The following NDUFAF2 variants were observed in gnomAD, a reference collection of about 807,000 sequenced individuals.
NDUFAF2 encodes the protein NADH:ubiquinone oxidoreductase complex assembly factor 2, also known as NADH dehydrogenase [ubiquinone] 1 alpha subcomplex assembly factor 2.
A neutral mutation model predicts 22.8 loss-of-function variants in NDUFAF2; 13 were observed. The ratio of observed to expected loss-of-function variants is 0.57; its 90% CI spans 0.37 to 0.91. The LOEUF is 0.91. Among genes scored for constraint, NDUFAF2 ranks in the 40% least tolerant of loss-of-function variants. The pLI is 0.01. For synonymous variants in NDUFAF2, 53 were observed against 64.2 expected (o/e 0.83, Z 0.84); for missense variants, 162 against 195.2 (o/e 0.83, Z 1.01).
chr5:61,093,586 C>G (rs1305285347), intron 2 of NDUFAF2, among the ~76,000 whole-genome samples: 2 of 152,160 alleles, frequency 1.3e-5, no homozygotes, highest in African/African-American at 2.4e-5. Context: ...ATTGAACCAG[C>G]CTTGCGTCCC....
intron 3 of NDUFAF2, among the ~76,000 whole-genome samples, chr5:61,118,440 G>A (rs1752938883): frequency 1.3e-5 from 2 of 152,290 alleles, no homozygotes; most frequent in Non-Finnish European, 1.5e-5. Context: ...AAATTCACAA[G>A]TGAGAAAGTT....
intron 1 of NDUFAF2, among the ~76,000 whole-genome samples, chr5:61,010,905 TC>T (rs1393173546): frequency 6.6e-6 from 1 of 152,076 alleles, no homozygotes; most frequent in Non-Finnish European, 1.5e-5. Flanking sequence ...CCTTCCCTTT[TC>T]TCCTGCTGGC....
At chr5:61,112,445 C>T (rs1361407206) in intron 3 of NDUFAF2, among the ~76,000 whole-genome samples, 1 of 151,890 alleles carries the variant, frequency 6.6e-6, no homozygotes, top group African/African-American at 2.4e-5. Flanking sequence ...ATCTTCTGAC[C>T]TCGTGATCCG....
At chr5:61,060,206 G>T (rs1752147063) in intron 1 of NDUFAF2, among the ~76,000 whole-genome samples, 1 of 152,018 alleles carries the variant, frequency 6.6e-6, no homozygotes, top group Non-Finnish European at 1.5e-5. Context: ...TTAATAAACA[G>T]ATGCTGCAAC....
intron 1 of NDUFAF2, among the ~76,000 whole-genome samples, chr5:61,059,231 A>C (rs940804756): frequency 3.3e-5 from 5 of 152,076 alleles, no homozygotes; most frequent in African/African-American, 9.6e-5. Flanking sequence ...TTGTTGGTTG[A>C]ATTACAGATG....
chr5:61,078,140 A>G (rs1277480441), intron 2 of NDUFAF2, among the ~76,000 whole-genome samples: 1 of 152,122 alleles, frequency 6.6e-6, no homozygotes, highest in Non-Finnish European at 1.5e-5. Flanking sequence ...ACCTCCTCCA[A>G]TCATGACATT....
intron 3 of NDUFAF2, among the ~76,000 whole-genome samples, chr5:61,126,407 T>G (rs906593321): frequency 1.3e-5 from 2 of 152,034 alleles, no homozygotes; most frequent in African/African-American, 4.8e-5. Context: ...TTTCAGTAAT[T>G]GTCTCCTTCA....
At chr5:61,124,684 G>C (rs1290794386) in intron 3 of NDUFAF2, among the ~76,000 whole-genome samples, 10 of 152,066 alleles carry the variant, frequency 6.6e-5, no homozygotes, top group Non-Finnish European at 1.5e-4. Flanking sequence ...TGTAGCTAGT[G>C]GCTACCATAT....
At chr5:61,143,635 A>G (rs1741088439) in intron 3 of NDUFAF2, among the ~76,000 whole-genome samples, 1 of 152,118 alleles carries the variant, frequency 6.6e-6, no homozygotes, top group Non-Finnish European at 1.5e-5. Context: ...TTTTATATGT[A>G]ATATAACTTG....
chr5:61,038,370 T>C (rs1440359601), intron 1 of NDUFAF2, among the ~76,000 whole-genome samples: 1 of 152,176 alleles, frequency 6.6e-6, no homozygotes, highest in Non-Finnish European at 1.5e-5. Flanking sequence ...TGATTGTGAT[T>C]CAGAGACTTA....
At chr5:61,034,969 A>G (rs1394674777) in intron 1 of NDUFAF2, among the ~76,000 whole-genome samples, 1 of 150,880 alleles carries the variant, frequency 6.6e-6, no homozygotes, top group Non-Finnish European at 1.5e-5. Flanking sequence ...TTTTGTTAAC[A>G]TTCCTCTGTC....
chr5:60,960,813 C>G (rs1750673830), intron 1 of NDUFAF2, among the ~76,000 whole-genome samples: 1 of 151,960 alleles, frequency 6.6e-6, no homozygotes, highest in Admixed American at 6.6e-5. Flanking sequence ...GTGACTGGTG[C>G]CTCCATCTTG....
chr5:61,014,475 G>A (rs1162172036), intron 1 of NDUFAF2, among the ~76,000 whole-genome samples: 1 of 152,130 alleles, frequency 6.6e-6, no homozygotes, highest in African/African-American at 2.4e-5. Flanking sequence ...TTGTCTTCCT[G>A]AGTTCTGTGA....
chr5:61,136,547 G>A (rs973597465), intron 3 of NDUFAF2, among the ~76,000 whole-genome samples: 6 of 152,148 alleles, frequency 3.9e-5, no homozygotes, highest in Middle Eastern at 3.4e-3. Flanking sequence ...ACTGCCTCCC[G>A]TCTTGAATTT....
intron 1 of NDUFAF2, among the ~76,000 whole-genome samples, chr5:60,982,863 T>C (rs1263745479): frequency 6.6e-6 from 1 of 152,052 alleles, no homozygotes. Flanking sequence ...TAAACATACG[T>C]GTGCATGTGT....
At chr5:60,996,384 G>A (rs62367879) in intron 1 of NDUFAF2, among the ~76,000 whole-genome samples, 60,553 of 151,790 alleles carry the variant, frequency 0.4, 13,002 homozygotes, top group East Asian at 0.8. Flanking sequence ...TGACCATTGC[G>A]CAGTCTTGCC....
intron 1 of NDUFAF2, among the ~76,000 whole-genome samples, chr5:61,042,275 G>A (rs984471811): frequency 6.6e-6 from 1 of 151,652 alleles, no homozygotes; most frequent in African/African-American, 2.4e-5. Context: ...CATAAATTAT[G>A]GTACATTTAC....
At chr5:60,961,244 G>T (rs1750680045) in intron 1 of NDUFAF2, among the ~76,000 whole-genome samples, 1 of 151,940 alleles carries the variant, frequency 6.6e-6, no homozygotes, top group Non-Finnish European at 1.5e-5. Flanking sequence ...TGCATCACCT[G>T]AGGTCAGGAG....
chr5:61,070,459 C>T (rs898524821), intron 1 of NDUFAF2, among the ~76,000 whole-genome samples: 1 of 151,918 alleles, frequency 6.6e-6, no homozygotes, highest in African/African-American at 2.4e-5. Context: ...ATTTAATAAG[C>T]TAATAGCTTT....
Sources: allele counts gnomAD v4.1 joint callset (sites outside exome capture counted in the v4.1 genomes callset), GRCh38; gene constraint gnomAD v4.1.1; transcripts MANE v1.5; gene names NCBI Gene and HGNC (gene_info 2026-07-23, HGNC 2026-07-21).